Variants in PPP1R13B observed in about 807,000 individuals in gnomAD.
PPP1R13B encodes apoptosis-stimulating of p53 protein 1.
Under a neutral mutation model 119.8 loss-of-function variants are expected in PPP1R13B, and 44 were observed. The ratio of observed to expected loss-of-function variants is 0.37; its 90% CI spans 0.29 to 0.47. The LOEUF is 0.47. PPP1R13B is among the 20% of genes least tolerant of loss of function. PPP1R13B has a pLI of 0.99. For synonymous variants in PPP1R13B, 542 were observed against 561.5 expected (o/e 0.97, Z 0.49); for missense variants, 1,227 against 1,413.5 (o/e 0.87, Z 2.12).
intron 2 of PPP1R13B, among the ~76,000 whole-genome samples, chr14:103,796,686 G>A (rs1453038362): frequency 6.6e-6 from 1 of 152,204 alleles, no homozygotes; most frequent in Admixed American, 6.5e-5. Flanking sequence ...GTCAGGTGCG[G>A]TGGCTCATGC....
intron 4 of PPP1R13B, among the ~76,000 whole-genome samples, chr14:103,775,267 T>G (rs890993015): frequency 8.4e-6 from 1 of 118,504 alleles, no homozygotes; most frequent in Non-Finnish European, 1.8e-5. Flanking sequence ...CTTTCACTTA[T>G]TATTATTATT....
chr14:103,829,298 T>C (rs1442290909), intron 1 of PPP1R13B, among the ~76,000 whole-genome samples: 1 of 152,216 alleles, frequency 6.6e-6, no homozygotes, highest in Non-Finnish European at 1.5e-5. Flanking sequence ...CCTCACAAAA[T>C]GACACTTCAA....
In PPP1R13B at chr14:103,749,933, A is replaced by G. The variant is rs2084497870; in HGVS notation, c.830T>C (p.Ile277Thr). 6.2e-7 allele frequency: 1 copy of G among 1,612,820 alleles called. No individual in the cohort carries two copies. The highest frequency in any genetic ancestry group is 1.3e-5 in the African/African-American group (1 of 74,816). Residue 277 changes from isoleucine (I) to threonine (T), a missense_variant and splice_region_variant, in exon 8 of 17, where the codon ATT (isoleucine) becomes ACT (threonine). Physicochemically the swap from Ile to Thr is moderately conservative, Grantham distance 89. Transcript: ENST00000202556. Reference sequence around the variant, plus strand: ...TTGTTCCTGGTTAAGTTGGTTACGAATCTACAAACCACAAAATACAACCTT... The same window carrying G: ...TTGTTCCTGGTTAAGTTGGTTACGAGTCTACAAACCACAAAATACAACCTT... ...ELKRLYQELQIRNQLNQEQNS... is the reference protein window; with the variant it reads ...ELKRLYQELQTRNQLNQEQNS...
chr14:103,833,413 G>A (rs2086703298), intron 1 of PPP1R13B, among the ~76,000 whole-genome samples: 2 of 152,242 alleles, frequency 1.3e-5, no homozygotes, highest in South Asian at 4.1e-4. Context: ...GGAGGCCGAG[G>A]CGAGTGGATC....
chr14:103,827,263 CA>C (rs1167137298), intron 1 of PPP1R13B, among the ~76,000 whole-genome samples: 1 of 150,430 alleles, frequency 6.6e-6, no homozygotes, highest in Non-Finnish European at 1.5e-5. Flanking sequence ...GTGAACCCGG[CA>C]GGTGGAGCTT....
intron 4 of PPP1R13B, among the ~76,000 whole-genome samples, chr14:103,774,650 T>G (rs1338107310): frequency 6.6e-6 from 1 of 151,754 alleles, no homozygotes; most frequent in Non-Finnish European, 1.5e-5. Context: ...CAACCCACAC[T>G]CCCCCCTTTC....
intron 8 of PPP1R13B, among the ~76,000 whole-genome samples, chr14:103,748,149 G>A (rs2084440519): frequency 6.6e-6 from 1 of 151,448 alleles, no homozygotes; most frequent in Non-Finnish European, 1.5e-5. Context: ...CTTTCTCTAG[G>A]AAGCCCTGAC....
intron 2 of PPP1R13B, among the ~76,000 whole-genome samples, chr14:103,788,340 T>G (rs924703170): frequency 2.6e-5 from 4 of 152,228 alleles, no homozygotes. Context: ...CATCCATCTG[T>G]GTTGAACATT....
intron 12 of PPP1R13B, chr14:103,739,329 C>G (rs1429777026): frequency 2.6e-6 from 1 of 378,318 alleles, no homozygotes. Context: ...TGGCGTGTGA[C>G]TGCCAAGTAG....
chr14:103,845,212 G>A (rs2087000567), intron 1 of PPP1R13B, among the ~76,000 whole-genome samples: 1 of 141,692 alleles, frequency 7.1e-6, no homozygotes, highest in Non-Finnish European at 1.5e-5. Context: ...ACAATAAATC[G>A]AGAAAAATCT....
At chr14:103,823,948 C>T (rs2086473177) in intron 1 of PPP1R13B, among the ~76,000 whole-genome samples, 3 of 151,718 alleles carry the variant, frequency 2.0e-5, no homozygotes, top group Non-Finnish European at 4.4e-5. Flanking sequence ...AAACACTTTC[C>T]TTCCTTTTTC....
At chr14:103,750,001 A>G in intron 7 of PPP1R13B, 67 bp from the exon 8 acceptor site, 1 of 1,535,396 alleles carries the variant, frequency 6.5e-7, no homozygotes, top group Non-Finnish European at 8.9e-7. Flanking sequence ...ATTGCCAGGG[A>G]GATTAAAAAA....
chr14:103,797,341 G>A, intron 2 of PPP1R13B, 30 bp downstream of exon 2: 1 of 1,554,512 alleles, frequency 6.4e-7, no homozygotes, highest in Non-Finnish European at 8.7e-7. Flanking sequence ...TTTTATCAAT[G>A]TAACAATCTT....
intron 4 of PPP1R13B, among the ~76,000 whole-genome samples, chr14:103,758,827 C>G (rs905435571): frequency 6.6e-6 from 1 of 152,250 alleles, no homozygotes; most frequent in African/African-American, 2.4e-5. Flanking sequence ...CACCTTCTGC[C>G]ACCCTTAAAC....
At chr14:103,737,975 A>G in intron 14 of PPP1R13B, 115 bp from the exon 15 acceptor site, 6 of 1,207,722 alleles carry the variant, frequency 5.0e-6, no homozygotes, top group Non-Finnish European at 6.7e-6. Flanking sequence ...TTGTGCCATC[A>G]AGTCTCAGTG....
In PPP1R13B at chr14:103,828,813, G is replaced by A. The variant is rs564092217; in HGVS notation, c.9+18486C>T. 3.3e-5 allele frequency among the ~76,000 whole-genome samples: 5 copies of A among 152,326 alleles called. No homozygotes were observed. The South Asian group carries it at 1.0e-3, about 32-fold the overall frequency. On this transcript the variant is annotated intron_variant, in intron 1 of 16. Coordinates refer to ENST00000202556, the MANE Select transcript of PPP1R13B (RefSeq NM_015316.3). The stretch of plus-strand genomic sequence containing the variant: ...GCAGGACTGAAGAATCCCCCATTAG[G>A]AGCTGCTTTCTTCTGTGCCAAAAAC...
chr14:103,794,867 A>G (rs1042791993), intron 2 of PPP1R13B, among the ~76,000 whole-genome samples: 10 of 152,198 alleles, frequency 6.6e-5, no homozygotes, highest in African/African-American at 2.2e-4. Flanking sequence ...CTGGGGATAT[A>G]ATGGTGAACA....
chr14:103,755,977 T>TA (rs1469089973), intron 5 of PPP1R13B, among the ~76,000 whole-genome samples: 1 of 152,188 alleles, frequency 6.6e-6, no homozygotes, highest in Admixed American at 6.5e-5. Context: ...CAATAAATTT[T>TA]AAAAAATCAG....
At chr14:103,836,845 C>T (rs1001836738) in intron 1 of PPP1R13B, among the ~76,000 whole-genome samples, 8 of 152,036 alleles carry the variant, frequency 5.3e-5, no homozygotes, top group South Asian at 4.2e-4. Context: ...TATACAGTCT[C>T]GGGTCTGGAC....
Sources: allele counts gnomAD v4.1 joint callset (sites outside exome capture counted in the v4.1 genomes callset), GRCh38; gene constraint gnomAD v4.1.1; transcripts MANE v1.5; gene names NCBI Gene and HGNC (gene_info 2026-07-23, HGNC 2026-07-21).